Variants in HAS1 observed in about 807,000 individuals in gnomAD.
HAS1 encodes HA synthase 1.
HAS1 carries 27 observed loss-of-function variants against 35.0 expected under a neutral mutation model. The ratio of observed to expected loss-of-function variants is 0.77; its 90% confidence interval spans 0.57 to 1.06. The LOEUF is 1.06. Ranked by LOEUF, HAS1 falls within the 50% of genes least tolerant of loss-of-function variation. The probability of loss-of-function intolerance (pLI) is 0.00; values close to 1 mark genes in which losing one functional copy is unlikely to be tolerated. For synonymous variants in HAS1, 409 were observed against 371.2 expected (o/e 1.10, Z -1.17); for missense variants, 940 against 814.8 (o/e 1.15, Z -1.87).
At chr19:51,716,218 C>T (rs773760481) in intron 4 of HAS1, 38 bp downstream of exon 4, 111 of 1,582,554 alleles carry the variant, frequency 7.0e-5, no homozygotes, top group Non-Finnish European at 9.3e-5. Flanking sequence ...ATTCATTGGC[C>T]TCCACACATA....
Position 51,719,743 on chromosome 19 carries a change from G to A in HAS1, c.162C>T (p.Ala54=). The A allele has an allele frequency of 6.4e-7, 1 of 1,567,264 alleles. No individual in the cohort carries two copies. ...PLASDRYGLL[A]FGLYGAFLSA... ...AAAGGAAGGCCCCGTAGAGGCCGAA[G>A]GCCAGGAGGCCGTAGCGATCGGAGG... Residue 54 remains alanine (A), a synonymous_variant, in exon 2 of 5, where the codon GCC becomes GCT. Coordinates refer to ENST00000540069, the MANE Select transcript of HAS1 (RefSeq NM_001297436.2).
At chr19:51,715,912 T>G (rs1264337110) in intron 4 of HAS1, among the ~76,000 whole-genome samples, 5 of 152,194 alleles carry the variant, frequency 3.3e-5, no homozygotes, top group African/African-American at 1.2e-4. Flanking sequence ...TTGGTCTCCA[T>G]GACAGAACCA....
At chr19:51,714,329 T>A in intron 4 of HAS1, among the ~76,000 whole-genome samples, 1 of 148,598 alleles carries the variant, frequency 6.7e-6, no homozygotes, top group African/African-American at 2.5e-5. Context: ...GGATAAGGAG[T>A]TCAAGACCAG....
intron 1 of HAS1, among the ~76,000 whole-genome samples, chr19:51,720,413 G>T (rs371128306): frequency 6.6e-6 from 1 of 152,178 alleles, no homozygotes; most frequent in Non-Finnish European, 1.5e-5. Flanking sequence ...ACCTCGCCGG[G>T]CCCCAAAATT....
intron 4 of HAS1, among the ~76,000 whole-genome samples, chr19:51,715,704 T>G (rs2083581802): frequency 6.6e-6 from 1 of 152,202 alleles, no homozygotes; most frequent in Non-Finnish European, 1.5e-5. Flanking sequence ...CAGAAATCAC[T>G]CTCCCCTGAA....
chr19:51,716,282 G>A lies in HAS1; in HGVS notation c.1032C>T (p.Arg344=). 1.9e-6 allele frequency: 3 copies of A among 1,613,964 alleles called. No individual in the cohort carries two copies. The highest frequency in any genetic ancestry group is 1.7e-6 in the Non-Finnish European group (2 of 1,179,878). Residue 344 remains arginine, a synonymous_variant, in exon 4 of 5, where the codon CGC becomes CGT. Coordinates refer to ENST00000540069, the MANE Select transcript of HAS1 (RefSeq NM_001297436.2). ...TFGDDRHLTN[R]MLSMGYATKY... ...TGGTAGCATAACCCATGCTGAGCAT[G>A]CGGTTGGTGAGGTGCCGGTCATCCC... is the stretch of plus-strand genomic sequence containing the variant.
chr19:51,719,243 G>T lies in HAS1; in HGVS notation c.662C>A (p.Ala221Asp), dbSNP rs555126388. Residue 221 changes from alanine (A) to aspartate (D), a missense_variant, in exon 2 of 5, where the codon GCC becomes GAC. Ala to Asp is a moderately radical substitution (Grantham distance 126). Transcript: ENST00000540069. ...WGGKREVMYT[A>D]FKALGDSVDY... ...CACCGAATCTCCGAGCGCCTTGAAG[G>T]CTGTGTACATGACCTCGCGCTTGCC... 1.4e-4 allele frequency: 221 copies of T among 1,598,652 alleles called. No individual in the cohort carries two copies. The highest frequency in any genetic ancestry group is 1.8e-4 in the Non-Finnish European group (217 of 1,173,048).
At chr19:51,716,135 C>T (rs1599791897) in intron 4 of HAS1, 121 bp downstream of exon 4, 6 of 880,244 alleles carry the variant, frequency 6.8e-6, no homozygotes, top group Middle Eastern at 2.3e-4. Flanking sequence ...TCTAAAGTCT[C>T]ACTTGATAGA....
In HAS1 at chr19:51,717,095, C is replaced by T. The variant is rs1415229627; in HGVS notation, c.798G>A (p.Val266=). The stretch of plus-strand genomic sequence containing the variant: ...AGGAGTCCAGAGGGTTAAGGATCCG[C>T]ACGTCCCCACCAACAGCCCCTACCC... ...DPRVGAVGGD[V]RILNPLDSWV... The change falls in exon 3 of 5, where the codon GTG becomes GTA. Residue 266 remains valine (V), a synonymous_variant. Transcript: ENST00000540069. 6.2e-7 allele frequency: 1 copy of T among 1,614,030 alleles called. No individual in the cohort carries two copies. Among genetic ancestry groups the T allele is most frequent in the South Asian group, 1.1e-5 (1 of 91,082 alleles).
rs1555794998 is a variant in HAS1, at chr19:51,723,923, A to ACC, written c.9_9+1dup. 5 of 1,526,276 alleles carry ACC rather than the reference A, an allele frequency of 3.3e-6. No individual in the cohort carries two copies. The highest frequency in any genetic ancestry group is 4.4e-6 in the Non-Finnish European group (5 of 1,140,024). The allele number at this position is 1,526,276 out of a possible 1,614,324, so 94.5% of individuals were successfully genotyped here. A position where few individuals can be genotyped will look rare whatever the true frequency, so the allele number is the denominator to read the frequency against. ...CACACACACACACACACACACACAC[A>ACC]CCTGTCTCATCGCAGTGGGTCTGGC... On this transcript the variant is annotated splice_donor_variant, in intron 1 of 4. Transcript: ENST00000540069. LOFTEE classifies it high-confidence loss of function.
intron 1 of HAS1, among the ~76,000 whole-genome samples, chr19:51,721,197 C>T (rs1474586897): frequency 6.6e-6 from 1 of 152,040 alleles, no homozygotes; most frequent in African/African-American, 2.4e-5. Flanking sequence ...TCGGGAGAGC[C>T]CTGGGGGACA....
chr19:51,721,067 C>T (rs576640796), intron 1 of HAS1, among the ~76,000 whole-genome samples: 58 of 152,250 alleles, frequency 3.8e-4, no homozygotes, highest in African/African-American at 1.3e-3. Flanking sequence ...TTATTATCCC[C>T]GTTGTACAGA....
chr19:51,720,012 C>T (rs1228031600), intron 1 of HAS1, 117 bp from the exon 2 acceptor site: 3 of 605,236 alleles, frequency 5.0e-6, no homozygotes, highest in Non-Finnish European at 5.7e-6. Context: ...TCCCCTCCCT[C>T]TCTCTCTCCC....
chr19:51,721,616 A>G (rs772944859), intron 1 of HAS1, among the ~76,000 whole-genome samples: 4 of 152,178 alleles, frequency 2.6e-5, no homozygotes, highest in Non-Finnish European at 4.4e-5. Flanking sequence ...AAATACAAAA[A>G]TTAGCCAGGC....
chr19:51,720,067 T>C (rs2083619803), intron 1 of HAS1, 172 bp from the exon 2 acceptor site: 3 of 559,448 alleles, frequency 5.4e-6, no homozygotes, highest in Non-Finnish European at 9.4e-6. Context: ...TCTCTGTGTC[T>C]GTCTCGCTGT....
At chr19:51,722,443 G>C (rs2083637571) in intron 1 of HAS1, among the ~76,000 whole-genome samples, 1 of 152,088 alleles carries the variant, frequency 6.6e-6, no homozygotes, top group African/African-American at 2.4e-5. Context: ...CCAAGTCTGG[G>C]GAAAAGAAAG....
At position 51,723,894 on chromosome 19, in the gene HAS1, C is replaced by CACACACAT. The variant is rs764482396; in HGVS notation, c.9+30_9+31insATGTGTGT. 1.8e-5 allele frequency: 25 copies of CACACACAT among 1,408,574 alleles called. No individual in the cohort carries two copies. The South Asian group carries it at 3.3e-4, about 18-fold the overall frequency. The allele number at this position is 1,408,574 out of a possible 1,614,324, so 87.3% of individuals were successfully genotyped here. A position where few individuals can be genotyped will look rare whatever the true frequency, so the allele number is the denominator to read the frequency against. ...CCCCACATGGCTGTATACACACACA[C>CACACACAT]ACACACACACACACACACACACACA... On this transcript the variant is annotated intron_variant, in intron 1 of 4. Coordinates refer to ENST00000540069, the MANE Select transcript of HAS1 (RefSeq NM_001297436.2).
intron 1 of HAS1, 119 bp from the exon 2 acceptor site, chr19:51,720,014 C>T: frequency 1.7e-6 from 1 of 601,464 alleles, no homozygotes; most frequent in South Asian, 2.0e-5. Flanking sequence ...CCCTCCCTCT[C>T]TCTCTCCCTC....
chr19:51,720,370 C>T (rs1333933213), intron 1 of HAS1, among the ~76,000 whole-genome samples: 1 of 152,148 alleles, frequency 6.6e-6, no homozygotes, highest in Non-Finnish European at 1.5e-5. Context: ...CCTGCCCCGG[C>T]CTTCCTAAGT....
Sources: allele counts gnomAD v4.1 joint callset (sites outside exome capture counted in the v4.1 genomes callset), GRCh38; gene constraint gnomAD v4.1.1; transcripts MANE v1.5; gene names NCBI Gene and HGNC (gene_info 2026-07-23, HGNC 2026-07-21).